The following TUSC3 variants were observed in gnomAD, a reference collection of about 807,000 sequenced individuals.
TUSC3 encodes the protein dolichyl-diphosphooligosaccharide--protein glycosyltransferase subunit TUSC3.
Under a neutral mutation model 44.8 loss-of-function variants are expected in TUSC3, and 45 were observed. The ratio of observed to expected loss-of-function variants is 1.00; its 90% CI spans 0.79 to 1.29. The LOEUF (loss-of-function observed/expected upper bound fraction) is 1.29. TUSC3 is among the 50% of genes most tolerant of loss of function. The pLI is 0.00. For synonymous variants in TUSC3, 212 were observed against 152.9 expected, an observed-to-expected ratio of 1.39 and a Z score of -2.85; for missense variants, 519 against 437.9, an observed-to-expected ratio of 1.19 and a Z score of -1.65.
intron 4 of TUSC3, among the ~76,000 whole-genome samples, chr8:15,660,941 A>T (rs547923987): frequency 2.1e-4 from 31 of 150,996 alleles, no homozygotes; most frequent in Admixed American, 1.7e-3. Flanking sequence ...CTATATGTGG[A>T]AACAATTTCT....
At chr8:15,690,847 C>G (rs370341724) in intron 6 of TUSC3, among the ~76,000 whole-genome samples, 1 of 151,510 alleles carries the variant, frequency 6.6e-6, no homozygotes, top group African/African-American at 2.4e-5. Context: ...TTATTCTGTT[C>G]CATTGGTCTG....
At chr8:15,510,589 A>G (rs1801119540) in intron 2 of TUSC3, among the ~76,000 whole-genome samples, 1 of 152,180 alleles carries the variant, frequency 6.6e-6, no homozygotes, top group African/African-American at 2.4e-5. Flanking sequence ...ATCAGTTTGT[A>G]GTTAAAAACC....
chr8:15,444,008 C>G (rs1037251676), intron 1 of TUSC3, among the ~76,000 whole-genome samples: 1 of 152,270 alleles, frequency 6.6e-6, no homozygotes, highest in Non-Finnish European at 1.5e-5. Flanking sequence ...CCTGAATGCT[C>G]GGGGAAACTG....
chr8:15,447,991 C>T (rs1258808767), intron 1 of TUSC3, among the ~76,000 whole-genome samples: 1 of 150,848 alleles, frequency 6.6e-6, no homozygotes, highest in Admixed American at 6.6e-5. Context: ...TACAGTCACA[C>T]TAGCAATATT....
chr8:15,852,082 G>T, the TUSC3 span, among the ~76,000 whole-genome samples: 1 of 151,944 alleles, frequency 6.6e-6, no homozygotes, highest in Non-Finnish European at 1.5e-5. Context: ...CCTCTTTTTC[G>T]TTATAAATTA....
chr8:15,665,746 T>A (rs545376669), intron 5 of TUSC3, among the ~76,000 whole-genome samples: 23 of 151,608 alleles, frequency 1.5e-4, no homozygotes, highest in Middle Eastern at 3.4e-3. Context: ...TATTAAAACA[T>A]ACATATACGT....
chr8:15,775,689 T>A, the TUSC3 span, among the ~76,000 whole-genome samples: 18 of 62,376 alleles, frequency 2.9e-4, 1 homozygote, highest in South Asian at 8.8e-3. Context: ...AATACATATG[T>A]ACACACACAC....
chr8:15,575,204 A>C (rs942742232), intron 1 of TUSC3, among the ~76,000 whole-genome samples: 7 of 152,108 alleles, frequency 4.6e-5, no homozygotes, highest in Non-Finnish European at 7.4e-5. Context: ...GTTTGGAATT[A>C]ATAGGAATTA....
At chr8:15,781,727 T>G in the TUSC3 span, among the ~76,000 whole-genome samples, 2 of 152,212 alleles carry the variant, frequency 1.3e-5, no homozygotes, top group Middle Eastern at 3.4e-3. Context: ...GTTCAAAGAA[T>G]TAATACCAAC....
Position 15,700,811 on chromosome 8 carries a change from CCCTTTTCTGGT to C in TUSC3, c.798+26981_798+26991del, listed in dbSNP as rs150920482. ...TTGTCTGAAAAAGAATGTTTGTTGTCCCTTTTCTGGTCCTTTCACTAGAGGGAATGGCTGGA... is the reference window on the plus strand; with the variant it reads ...TTGTCTGAAAAAGAATGTTTGTTGTCCCTTTCACTAGAGGGAATGGCTGGA... On this transcript the variant is annotated intron_variant, in intron 6 of 10. Coordinates refer to ENST00000503731, the MANE Select transcript of TUSC3 (RefSeq NM_006765.4). Among the ~76,000 whole-genome samples the C allele has an allele frequency of 7.6e-3, 1,100 of 145,130 alleles. 15 individuals carry two copies. Among genetic ancestry groups the C allele is most frequent in the African/African-American group, 0.026 (1,008 of 38,556 alleles).
chr8:15,785,666 A>G, the TUSC3 span, among the ~76,000 whole-genome samples: 3 of 152,048 alleles, frequency 2.0e-5, no homozygotes, highest in Non-Finnish European at 4.4e-5. Flanking sequence ...TGCCTCCTAC[A>G]CACACACTGA....
the TUSC3 span, among the ~76,000 whole-genome samples, chr8:15,828,631 G>T: frequency 0.17 from 26,043 of 152,152 alleles, 2,385 homozygotes; most frequent in Admixed American, 0.28. Flanking sequence ...AAAGAATAAG[G>T]TGTTAGCAAA....
At chr8:15,707,470 A>C (rs1200658055) in intron 6 of TUSC3, among the ~76,000 whole-genome samples, 4 of 151,954 alleles carry the variant, frequency 2.6e-5, no homozygotes, top group Admixed American at 6.6e-5. Flanking sequence ...TATTGTGGCA[A>C]ACACCACCAC....
At chr8:15,780,501 A>G in the TUSC3 span, among the ~76,000 whole-genome samples, 434 of 152,302 alleles carry the variant, frequency 2.8e-3, 3 homozygotes, top group African/African-American at 0.01. Flanking sequence ...CAGGGGCTTC[A>G]TTCCTGGGAA....
the TUSC3 span, among the ~76,000 whole-genome samples, chr8:15,848,664 T>C: frequency 4.6e-5 from 7 of 152,178 alleles, no homozygotes; most frequent in African/African-American, 1.4e-4. Context: ...GTAACCACTG[T>C]CCAGTGACAG....
chr8:15,485,097 C>T (rs575813544), intron 2 of TUSC3, among the ~76,000 whole-genome samples: 1 of 152,208 alleles, frequency 6.6e-6, no homozygotes, highest in Admixed American at 6.5e-5. Flanking sequence ...TTTCTGAGTT[C>T]CTTGAAAGTG....
intron 10 of TUSC3, chr8:15,758,362 A>T (rs368121221): frequency 1.7e-5 from 7 of 420,672 alleles, no homozygotes; most frequent in Non-Finnish European, 2.2e-5. Context: ...TATATATATA[A>T]AATTACTGTC....
the TUSC3 span, among the ~76,000 whole-genome samples, chr8:15,789,843 A>G: frequency 2.0e-5 from 3 of 152,210 alleles, no homozygotes; most frequent in Admixed American, 6.5e-5. Flanking sequence ...CGGTACGGAA[A>G]GAAGACACCC....
At position 15,418,568 on chromosome 8, in the gene TUSC3, A is replaced by G. The variant is rs184544495; in HGVS notation, n.91+1263A>G. ...GTTGAAAGATTTTATATCAGAAAAC[A>G]AAAGTTATAAAATCGGCAGCAAAAG... is the stretch of plus-strand genomic sequence containing the variant. On this transcript the variant is annotated intron_variant and non_coding_transcript_variant, in intron 1 of 5. Coordinates refer to the TUSC3 transcript ENST00000503191. Among the ~76,000 whole-genome samples the G allele has an allele frequency of 9.2e-4, 140 of 152,372 alleles. 1 individual carries two copies. Among genetic ancestry groups the G allele is most frequent in the Non-Finnish European group, 1.7e-3 (116 of 68,034 alleles).
Sources: gnomAD v4.1 joint callset for allele counts (sites outside exome capture counted in the v4.1 genomes callset) on GRCh38, gnomAD v4.1.1 for gene constraint, MANE v1.5 for transcripts, NCBI Gene and HGNC (gene_info 2026-07-23, HGNC 2026-07-21) for gene names.